The following INPP5F variants were observed in gnomAD, a reference collection of about 807,000 sequenced individuals.
INPP5F encodes inositol polyphosphate-5-phosphatase F, also known as phosphatidylinositide 4-phosphatase SAC2.
A neutral mutation model predicts 137.2 loss-of-function variants in INPP5F; 97 were observed. The observed-to-expected ratio is 0.71, with a 90% CI of 0.60 to 0.84. The LOEUF (loss-of-function observed/expected upper bound fraction) is 0.84, where lower values mean the gene tolerates loss of function less well. Ranked by LOEUF, INPP5F falls within the 40% of genes least tolerant of loss-of-function variation. INPP5F has a pLI of 0.00. For synonymous variants in INPP5F, 504 were observed against 476.9 expected (o/e 1.06, Z -0.74); for missense variants, 1,271 against 1,371.9 (o/e 0.93, Z 1.16).
intron 15 of INPP5F, chr10:119,815,648 G>T: frequency 3.3e-6 from 1 of 304,968 alleles, no homozygotes; most frequent in South Asian, 3.7e-5. Context: ...GTCTAAGGCA[G>T]AGATGGGCAG....
chr10:119,790,724 A>G (rs1850110445), intron 3 of INPP5F, among the ~76,000 whole-genome samples: 1 of 152,248 alleles, frequency 6.6e-6, no homozygotes, highest in Admixed American at 6.5e-5. Context: ...ATTGGTCTGC[A>G]TATTGTTAAC....
Position 119,828,373 on chromosome 10 carries a change from T to C in INPP5F, c.*593T>C, listed in dbSNP as rs1352685618. The C allele has an allele frequency of 6.6e-6, 1 of 152,644 alleles. No individual in the cohort carries two copies. The highest frequency in any genetic ancestry group is 2.4e-5 in the African/African-American group (1 of 41,454). 9.5% of individuals were successfully genotyped at this position (152,644 alleles called of 1,614,324 possible). A position where few individuals can be genotyped will look rare whatever the true frequency, so the allele number is the denominator to read the frequency against. On this transcript the variant is annotated 3_prime_UTR_variant, in exon 20 of 20. Coordinates refer to ENST00000650623, the MANE Select transcript of INPP5F (RefSeq NM_014937.4). Reference sequence around the variant, plus strand: ...GTATTCTACTTGAACACATTAAAAATACTCTGCTGCCTATACAATGTAAAC... The same window carrying C: ...GTATTCTACTTGAACACATTAAAAACACTCTGCTGCCTATACAATGTAAAC...
At chr10:119,778,865 A>G (rs1275249035) in intron 2 of INPP5F, among the ~76,000 whole-genome samples, 1 of 152,172 alleles carries the variant, frequency 6.6e-6, no homozygotes, top group Non-Finnish European at 1.5e-5. Flanking sequence ...GTTCTCCCAC[A>G]TTCTGGTTGA....
chr10:119,812,042 C>A, intron 15 of INPP5F, 87 bp downstream of exon 15: 2 of 1,071,304 alleles, frequency 1.9e-6, no homozygotes, highest in Non-Finnish European at 2.9e-6. Context: ...GTCCCTAAAG[C>A]TGTGGGCATG....
intron 2 of INPP5F, among the ~76,000 whole-genome samples, chr10:119,773,937 C>T (rs1055734881): frequency 3.9e-5 from 6 of 152,190 alleles, no homozygotes; most frequent in South Asian, 4.2e-4. Flanking sequence ...GATATTTTTA[C>T]GCATTTAGTC....
intron 3 of INPP5F, 107 bp downstream of exon 3, chr10:119,781,878 T>C: frequency 2.2e-6 from 2 of 896,978 alleles, no homozygotes; most frequent in Non-Finnish European, 3.3e-6. Context: ...AGCTGGGTAA[T>C]GTTTTTAAAA....
intron 2 of INPP5F, among the ~76,000 whole-genome samples, chr10:119,771,088 C>G (rs1849318608): frequency 6.6e-6 from 1 of 152,118 alleles, no homozygotes; most frequent in South Asian, 2.1e-4. Context: ...TCTCAGATGG[C>G]CAGTTATTTC....
At chr10:119,767,542 A>G (rs1221005396) in intron 2 of INPP5F, among the ~76,000 whole-genome samples, 1 of 152,266 alleles carries the variant, frequency 6.6e-6, no homozygotes, top group Non-Finnish European at 1.5e-5. Context: ...TGGGACAAAT[A>G]GTAAGATGAT....
At position 119,796,047 on chromosome 10, in the gene INPP5F, G is replaced by A. The variant is rs371625717; in HGVS notation, c.670-668G>A. Among the ~76,000 whole-genome samples the A allele has an allele frequency of 1.4e-4, 21 of 148,740 alleles. 1 individual carries two copies. The South Asian group carries it at 4.5e-3, about 32-fold the overall frequency. On this transcript the variant is annotated intron_variant, in intron 6 of 19. Transcript: ENST00000650623. ...GCAGCAGTACCGTCCAGCTTCGGCT[G>A]GGCATCAGAGGGAGACCGTGGGGAG...
chr10:119,758,475 C>T (rs1360680381), intron 2 of INPP5F, among the ~76,000 whole-genome samples: 1 of 152,202 alleles, frequency 6.6e-6, no homozygotes, highest in African/African-American at 2.4e-5. Flanking sequence ...CATATCTTCA[C>T]ACAGACATCC....
intron 15 of INPP5F, chr10:119,819,308 G>A: frequency 1.9e-6 from 1 of 531,540 alleles, no homozygotes. Flanking sequence ...AGTAAAATTG[G>A]GGGTGGGGGG....
chr10:119,775,452 A>G (rs538334100), intron 2 of INPP5F, among the ~76,000 whole-genome samples: 1 of 152,056 alleles, frequency 6.6e-6, no homozygotes, highest in African/African-American at 2.4e-5. Context: ...TTTTGTAGAG[A>G]CAGGGTTTCC....
chr10:119,775,160 AAATC>A (rs1210486427), intron 2 of INPP5F, among the ~76,000 whole-genome samples: 2 of 152,308 alleles, frequency 1.3e-5, no homozygotes, highest in Admixed American at 6.5e-5. Context: ...TTAGGGGGAA[AAATC>A]AATCAAAGAA....
intron 1 of INPP5F, among the ~76,000 whole-genome samples, chr10:119,746,209 A>C (rs1848527959): frequency 6.6e-6 from 1 of 152,190 alleles, no homozygotes; most frequent in Non-Finnish European, 1.5e-5. Context: ...CACATACCAG[A>C]ACAAATCTTG....
At chr10:119,745,624 A>T (rs1848507500) in intron 1 of INPP5F, among the ~76,000 whole-genome samples, 1 of 151,600 alleles carries the variant, frequency 6.6e-6, no homozygotes, top group South Asian at 2.1e-4. Flanking sequence ...CTTGTGATGT[A>T]ATCCCTGGCC....
chr10:119,782,664 TTAA>T (rs1488985914), intron 3 of INPP5F, among the ~76,000 whole-genome samples: 1 of 151,750 alleles, frequency 6.6e-6, no homozygotes, highest in Admixed American at 6.6e-5. Flanking sequence ...AAAAAAAAAA[TTAA>T]TGAGTGAATG....
At position 119,726,080 on chromosome 10, in the gene INPP5F, C is replaced by T. The variant is rs919064800; in HGVS notation, c.-183C>T. 2.7e-6 allele frequency: 1 copy of T among 374,508 alleles called. No individual in the cohort carries two copies. The highest frequency in any genetic ancestry group is 4.7e-6 in the Non-Finnish European group (1 of 212,150). The allele number at this position is 374,508 out of a possible 1,614,324, so 23.2% of individuals were successfully genotyped here. A position where few individuals can be genotyped will look rare whatever the true frequency, so the allele number is the denominator to read the frequency against. On this transcript the variant is annotated 5_prime_UTR_variant, in exon 1 of 20. Coordinates refer to ENST00000650623, the MANE Select transcript of INPP5F (RefSeq NM_014937.4). ...GCCTCTACGGCCGCCGCTGCCGCCG[C>T]CGCTGCCGGGGCGCGTTCTCCTCCT...
intron 3 of INPP5F, among the ~76,000 whole-genome samples, chr10:119,788,480 G>C (rs1280875902): frequency 6.6e-6 from 1 of 152,076 alleles, no homozygotes; most frequent in East Asian, 1.9e-4. Context: ...TGTTGTCATG[G>C]GGACCAGAGG....
rs1847877181 is a variant in INPP5F, at chr10:119,726,181, G to A, written c.-82G>A. The stretch of plus-strand genomic sequence containing the variant: ...TTCCTACCCGGCCGCTCCCCGAGGC[G>A]CGGGCTCTGGCGGCCTCGACCGACT... On this transcript the variant is annotated 5_prime_UTR_variant, in exon 1 of 20. Coordinates refer to ENST00000650623, the MANE Select transcript of INPP5F (RefSeq NM_014937.4). 1 of 850,152 alleles carries A rather than the reference G, an allele frequency of 1.2e-6. No homozygotes were observed. The highest frequency in any genetic ancestry group is 1.6e-6 in the Non-Finnish European group (1 of 622,398). The allele number at this position is 850,152 out of a possible 1,614,324, so 52.7% of individuals were successfully genotyped here. A position where few individuals can be genotyped will look rare whatever the true frequency, so the allele number is the denominator to read the frequency against.
Sources: gnomAD v4.1 joint callset for allele counts (sites outside exome capture counted in the v4.1 genomes callset) on GRCh38, gnomAD v4.1.1 for gene constraint, MANE v1.5 for transcripts, NCBI Gene and HGNC (gene_info 2026-07-23, HGNC 2026-07-21) for gene names.